Variants in RSPRY1 observed in about 807,000 individuals in gnomAD.
The protein encoded by RSPRY1 is ring finger and SPRY domain containing 1, also known as RING finger and SPRY domain-containing protein 1.
RSPRY1 carries 23 observed loss-of-function variants against 73.1 expected under a neutral mutation model. That is an observed-to-expected ratio of 0.31 (90% confidence interval 0.23 to 0.45). The LOEUF is 0.45. Ranked by LOEUF, RSPRY1 falls within the 20% of genes least tolerant of loss-of-function variation. The probability of loss-of-function intolerance (pLI) is 1.00; values close to 1 mark genes in which losing one functional copy is unlikely to be tolerated. For missense variants in RSPRY1, 448 were observed against 698.7 expected, an observed-to-expected ratio of 0.64 and a Z score of 4.05; for synonymous variants, 226 against 251.4, an observed-to-expected ratio of 0.90 and a Z score of 0.95.
chr16:57,229,857 C>CATT (rs1353433062), intron 11 of RSPRY1, among the ~76,000 whole-genome samples: 3 of 150,668 alleles, frequency 2.0e-5, no homozygotes, highest in African/African-American at 7.3e-5. Flanking sequence ...AGGCACCTGC[C>CATT]ATTAACACCC....
At chr16:57,221,555 C>A in intron 10 of RSPRY1, 140 bp downstream of exon 10, 1 of 826,326 alleles carries the variant, frequency 1.2e-6, no homozygotes, top group Non-Finnish European at 1.8e-6. Flanking sequence ...GTACCAGGTC[C>A]CTAACAATGA....
chr16:57,194,570 G>A (rs1238594905), intron 1 of RSPRY1, among the ~76,000 whole-genome samples: 2 of 152,074 alleles, frequency 1.3e-5, no homozygotes, highest in East Asian at 3.8e-4. Context: ...GCCTTTGTGG[G>A]GGAGGGTTGG....
chr16:57,230,289 G>A (rs1305905525), intron 11 of RSPRY1, among the ~76,000 whole-genome samples: 1 of 152,200 alleles, frequency 6.6e-6, no homozygotes, highest in African/African-American at 2.4e-5. Flanking sequence ...TGGGATTACA[G>A]GCGTGAGCCA....
At position 57,204,890 on chromosome 16, in the gene RSPRY1, C is replaced by A. The variant is rs755475021; in HGVS notation, c.232C>A (p.Arg78=). The A allele has an allele frequency of 6.2e-6, 10 of 1,614,060 alleles. No homozygotes were observed. The Admixed American group carries it at 1.7e-4, about 27-fold the overall frequency. ...VPTADTRSQP[R]DPVRPPRRGR... Reference sequence around the variant, plus strand: ...CACTGCTGACACAAGGAGCCAACCACGGGACCCTGTTCGGCCACCAAGGAG... The same window carrying A: ...CACTGCTGACACAAGGAGCCAACCAAGGGACCCTGTTCGGCCACCAAGGAG... The change falls in exon 2 of 15, where the codon CGG becomes AGG. Residue 78 remains arginine (R), a synonymous_variant. Coordinates refer to ENST00000394420, the MANE Select transcript of RSPRY1 (RefSeq NM_133368.3).
rs147388295 is a variant in RSPRY1, at chr16:57,193,397, A to G, written c.-156+6946A>G. ...GTTTCAGCTGGCAAGTGTAATCTTC[A>G]TGCATTACCAAATCAGTATTGTTGA... On this transcript the variant is annotated intron_variant, in intron 1 of 14. Transcript: ENST00000394420. Among the ~76,000 whole-genome samples, 350 of 152,126 alleles carry G rather than the reference A, an allele frequency of 2.3e-3. 1 individual carries two copies. Among genetic ancestry groups the G allele is most frequent in the African/African-American group, 8.1e-3 (337 of 41,512 alleles).
At chr16:57,187,468 A>C (rs1054211838) in intron 1 of RSPRY1, among the ~76,000 whole-genome samples, 1 of 152,172 alleles carries the variant, frequency 6.6e-6, no homozygotes, top group Admixed American at 6.5e-5. Context: ...AGAATCCCGC[A>C]GTTTTCCAGG....
chr16:57,200,956 G>C lies in RSPRY1; in HGVS notation c.-155-3548G>C, dbSNP rs1274185927. Among the ~76,000 whole-genome samples the C allele has an allele frequency of 5.1e-5, 7 of 136,198 alleles. No homozygotes were observed. In the South Asian group the frequency reaches 7.1e-4, roughly 14 times the overall value. The allele number at this position is 136,198 out of a possible 152,430, so 89.4% of individuals were successfully genotyped here. On this transcript the variant is annotated intron_variant, in intron 1 of 14. Transcript: ENST00000394420. The stretch of plus-strand genomic sequence containing the variant: ...AGACGGGGCGGCTGGCCGGGGGGGG[G>C]GGGGGCTGACCCCCCCACCTCCCTC...
chr16:57,221,347 G>A lies in RSPRY1; in HGVS notation c.1093G>A (p.Val365Ile). The change falls in exon 10 of 15, where the codon GTA (valine) becomes ATA (isoleucine). Residue 365 changes from valine (V) to isoleucine (I), a missense_variant. Val to Ile is a conservative substitution (Grantham distance 29). Coordinates refer to ENST00000394420, the MANE Select transcript of RSPRY1 (RefSeq NM_133368.3). ...CVDAGVWYYE[V>I]TVVTSGVMQI... ...GGATGCCGGGGTATGGTACTATGAA[G>A]TAACAGTGGTCACTTCTGGCGTCAT... 1 of 1,614,070 alleles carries A rather than the reference G, an allele frequency of 6.2e-7. No homozygotes were observed. Among genetic ancestry groups the A allele is most frequent in the Non-Finnish European group, 8.5e-7 (1 of 1,180,026 alleles).
At chr16:57,215,959 G>A (rs1336862438) in intron 6 of RSPRY1, 148 bp from the exon 7 acceptor site, 1 of 624,622 alleles carries the variant, frequency 1.6e-6, no homozygotes, top group Non-Finnish European at 2.8e-6. Context: ...TAGCCAAATG[G>A]ATAATTGAGA....
chr16:57,204,011 CT>C lies in RSPRY1; in HGVS notation c.-155-485del, dbSNP rs1295884000. On this transcript the variant is annotated intron_variant, in intron 1 of 14. Transcript: ENST00000394420. The stretch of plus-strand genomic sequence containing the variant: ...TGGTGCTATCATATTTGTATCATAA[CT>C]TTTTTTTAACAACAAACGTCTGTAA... Among the ~76,000 whole-genome samples the C allele has an allele frequency of 1.2e-4, 19 of 152,092 alleles. No homozygotes were observed. The East Asian group carries it at 2.1e-3, about 17-fold the overall frequency.
At chr16:57,221,769 T>C (rs2075040406) in intron 10 of RSPRY1, among the ~76,000 whole-genome samples, 1 of 152,236 alleles carries the variant, frequency 6.6e-6, no homozygotes, top group Non-Finnish European at 1.5e-5. Flanking sequence ...GAATTGAAGC[T>C]CTTAAGAGCT....
chr16:57,202,878 T>TTTTATA (rs1237175240), intron 1 of RSPRY1, among the ~76,000 whole-genome samples: 2 of 131,638 alleles, frequency 1.5e-5, no homozygotes, highest in African/African-American at 2.7e-5. Context: ...TTACATATGA[T>TTTTATA]TATATATATA....
intron 4 of RSPRY1, 43 bp from the exon 5 acceptor site, chr16:57,212,927 CTG>C (rs2074871809): frequency 1.3e-6 from 2 of 1,581,660 alleles, no homozygotes; most frequent in Non-Finnish European, 1.7e-6. Context: ...GGAAAACAAC[CTG>C]TGTAGTATAT....
intron 2 of RSPRY1, among the ~76,000 whole-genome samples, chr16:57,206,735 A>G (rs567802258): frequency 2.6e-5 from 4 of 152,134 alleles, no homozygotes; most frequent in Middle Eastern, 3.4e-3. Flanking sequence ...GCTAATTTTT[A>G]AAAAAGTTTT....
rs1477848933 is a variant in RSPRY1, at chr16:57,219,190, C to T, written c.902-1542C>T. On this transcript the variant is annotated intron_variant, in intron 8 of 14. Transcript: ENST00000394420. The stretch of plus-strand genomic sequence containing the variant: ...GGTGTATACCTAGCAGCAGAATTGC[C>T]GGATCATATGGTAGTTCTGTTTTTA... Among the ~76,000 whole-genome samples, 6 of 152,266 alleles carry T rather than the reference C, an allele frequency of 3.9e-5. No individual in the cohort carries two copies. In the South Asian group the frequency reaches 6.2e-4, roughly 16 times the overall value.
chr16:57,213,944 CTG>C lies in RSPRY1; in HGVS notation c.701_702del (p.Leu234GlnfsTer24). On this transcript the variant is annotated frameshift_variant and splice_region_variant, in exon 6 of 15. Transcript: ENST00000394420. LOFTEE classifies it high-confidence loss of function. Reference protein sequence around the residue: ...PGILEYLLQCLKLQSHPTVML... With the variant: ...PGILEYLLQCXKLQSHPTVML... ...AATACTGGAATACTTGCTACAGTGT[CTG>C]GTAAGTGAGACATCAAAACTATTTA... 6.3e-7 allele frequency: 1 copy of C among 1,599,346 alleles called. No homozygotes were observed. The highest frequency in any genetic ancestry group is 8.6e-7 in the Non-Finnish European group (1 of 1,166,586).
At chr16:57,203,433 T>C (rs762031852) in intron 1 of RSPRY1, among the ~76,000 whole-genome samples, 1 of 152,196 alleles carries the variant, frequency 6.6e-6, no homozygotes, top group Non-Finnish European at 1.5e-5. Flanking sequence ...CCAGATGTTG[T>C]GTAGAGACTA....
At chr16:57,225,693 T>C (rs184793035) in intron 10 of RSPRY1, among the ~76,000 whole-genome samples, 8 of 152,360 alleles carry the variant, frequency 5.3e-5, no homozygotes, top group Non-Finnish European at 8.8e-5. Flanking sequence ...GCTGCTTCTA[T>C]TTTTTATAAG....
intron 11 of RSPRY1, among the ~76,000 whole-genome samples, chr16:57,229,690 CTTTTTTTTTTTTTTTTTT>C (rs1162737560): frequency 5.0e-4 from 21 of 42,102 alleles, no homozygotes; most frequent in Non-Finnish European, 7.7e-4. Context: ...AAGATAAATG[CTTTTTTTTTTTTTTTTTT>C]TTTTTTTTTT....
Sources: gnomAD v4.1 joint callset for allele counts (sites outside exome capture counted in the v4.1 genomes callset) on GRCh38, gnomAD v4.1.1 for gene constraint, MANE v1.5 for transcripts, NCBI Gene and HGNC (gene_info 2026-07-23, HGNC 2026-07-21) for gene names.